Variants in MTMR2 observed in about 807,000 individuals in gnomAD.
MTMR2 encodes phosphatidylinositol-3,5-bisphosphate 3-phosphatase MTMR2.
In MTMR2, 55 loss-of-function variants were observed where a neutral mutation model predicts 86.9. The observed-to-expected ratio is 0.63, with a 90% CI of 0.51 to 0.79. The LOEUF is 0.79. Ranked by LOEUF, MTMR2 falls within the 30% of genes least tolerant of loss-of-function variation. MTMR2 has a pLI of 0.00. For missense variants in MTMR2, 659 were observed against 772.3 expected (o/e 0.85, Z 1.74); for synonymous variants, 241 against 266.8 (o/e 0.90, Z 0.94).
intron 2 of MTMR2, among the ~76,000 whole-genome samples, chr11:95,873,427 T>C (rs1393495518): frequency 1.3e-5 from 2 of 152,232 alleles, no homozygotes; most frequent in South Asian, 2.1e-4. Flanking sequence ...GATGGTAGTT[T>C]GTATTTCTGT....
In MTMR2 at chr11:95,888,021, T is replaced by A. The variant is rs1046944723; in HGVS notation, c.186+135A>T. 4.3e-6 allele frequency: 3 copies of A among 698,998 alleles called. No individual in the cohort carries two copies. In the Admixed American group the frequency reaches 7.7e-5, roughly 18 times the overall value. The allele number at this position is 698,998 out of a possible 1,614,324, so 43.3% of individuals were successfully genotyped here. A position where few individuals can be genotyped will look rare whatever the true frequency, so the allele number is the denominator to read the frequency against. On this transcript the variant is annotated intron_variant, in intron 2 of 14. Coordinates refer to ENST00000346299, the MANE Select transcript of MTMR2 (RefSeq NM_016156.6). ...AAGCATTCCAAATTTGCTGGCCTAT[T>A]CTGGGATATTTTGTAGACCGGGATC...
intron 2 of MTMR2, 73 bp from the exon 3 acceptor site, chr11:95,865,749 G>T: frequency 8.2e-7 from 1 of 1,224,550 alleles, no homozygotes; most frequent in Non-Finnish European, 1.2e-6. Context: ...TTTCAACTGA[G>T]TATACTTGCT....
rs560740183 is a variant in MTMR2 at position 95,916,196 on chromosome 11, G to A, written c.80+7679C>T. On this transcript the variant is annotated intron_variant, in intron 1 of 14. Transcript: ENST00000346299. ...TTAAATGATTCATCTGTACCCAAGG[G>A]GAAAAGCTGCTATGACTCCAATACC... 3.1e-4 allele frequency among the ~76,000 whole-genome samples: 47 copies of A among 152,102 alleles called. No individual in the cohort carries two copies. The South Asian group carries it at 9.3e-3, about 30-fold the overall frequency.
chr11:95,855,704 T>C (rs1028659749), intron 7 of MTMR2, among the ~76,000 whole-genome samples: 1 of 152,170 alleles, frequency 6.6e-6, no homozygotes, highest in African/African-American at 2.4e-5. Context: ...GTAATAAATA[T>C]AATAATCATC....
rs1261906657 is a variant in MTMR2, at chr11:95,833,458, C to A, written c.*1832G>T. 6.6e-6 allele frequency: 1 copy of A among 152,090 alleles called. No homozygotes were observed. The highest frequency in any genetic ancestry group is 6.6e-5 in the Admixed American group (1 of 15,240). 9.4% of individuals were successfully genotyped at this position (152,090 alleles called of 1,614,324 possible). Reference sequence around the variant, plus strand: ...TCCTCCTCCCTCCCTCCCACACACACCAGTGGTATATATTAAATGCCCAAG... The same window carrying A: ...TCCTCCTCCCTCCCTCCCACACACAACAGTGGTATATATTAAATGCCCAAG... On this transcript the variant is annotated 3_prime_UTR_variant, in exon 15 of 15. Transcript: ENST00000346299.
intron 2 of MTMR2, among the ~76,000 whole-genome samples, chr11:95,868,233 A>T (rs145652578): frequency 1.6e-3 from 204 of 130,742 alleles, no homozygotes; most frequent in African/African-American, 5.4e-3. Flanking sequence ...GATGCACTCC[A>T]CTGCACTCCA....
rs774188717 is a variant in MTMR2 at position 95,850,572 on chromosome 11, C to A, written c.804+28G>T. On this transcript the variant is annotated intron_variant, in intron 8 of 14. Transcript: ENST00000346299. ...ATTATGTTGAGTAAAAAAGCACTTG[C>A]AAAGGCTCATCCAAACTTCCTACTT... The A allele has an allele frequency of 5.5e-5, 88 of 1,591,558 alleles. 1 individual carries two copies. The East Asian group carries it at 1.9e-3, about 35-fold the overall frequency.
chr11:95,913,242 T>C (rs1404411681), intron 1 of MTMR2, among the ~76,000 whole-genome samples: 2 of 152,048 alleles, frequency 1.3e-5, no homozygotes, highest in African/African-American at 4.8e-5. Flanking sequence ...TATATGGCCC[T>C]GCAAAAAAAT....
At position 95,835,933 on chromosome 11, in the gene MTMR2, C is replaced by G. The variant is rs144665895; in HGVS notation, c.1770+215G>C. Among the ~76,000 whole-genome samples the G allele has an allele frequency of 1.6e-4, 24 of 152,120 alleles. No individual in the cohort carries two copies. In the East Asian group the frequency reaches 3.5e-3, roughly 22 times the overall value. ...GGAGGGAAGATGCAAGAAAAGAGAG[C>G]AGTGATTTGTCCAATGTCATACAAG... On this transcript the variant is annotated intron_variant, in intron 14 of 14. Transcript: ENST00000346299.
At chr11:95,840,314 C>G (rs1340824940) in intron 12 of MTMR2, among the ~76,000 whole-genome samples, 1 of 151,950 alleles carries the variant, frequency 6.6e-6, no homozygotes, top group East Asian at 1.9e-4. Context: ...TTATTTCTAC[C>G]AAGAGTCAAA....
intron 3 of MTMR2, among the ~76,000 whole-genome samples, chr11:95,863,710 A>G (rs473157): frequency 0.6 from 90,966 of 151,732 alleles, 29,346 homozygotes; most frequent in African/African-American, 0.85. Flanking sequence ...TGTCATTCTC[A>G]GGCCAGTGCT....
intron 1 of MTMR2, among the ~76,000 whole-genome samples, chr11:95,910,101 A>AATTTATATTT (rs1480574028): frequency 5.4e-5 from 8 of 147,422 alleles, no homozygotes; most frequent in Non-Finnish European, 1.1e-4. Context: ...AAATATAAAC[A>AATTTATATTT]CACACACACA....
intron 1 of MTMR2, among the ~76,000 whole-genome samples, chr11:95,905,330 C>CGCGCGT (rs1555073884): frequency 1.6e-5 from 1 of 61,508 alleles, no homozygotes; most frequent in African/African-American, 5.9e-5. Flanking sequence ...CACGCACCTG[C>CGCGCGT]GCACACACAC....
intron 5 of MTMR2, among the ~76,000 whole-genome samples, chr11:95,859,531 T>C (rs1263952046): frequency 6.6e-6 from 1 of 152,122 alleles, no homozygotes; most frequent in African/African-American, 2.4e-5. Context: ...GGGGAAAAAT[T>C]GGTATTGTAG....
intron 7 of MTMR2, among the ~76,000 whole-genome samples, chr11:95,851,592 C>T (rs944436200): frequency 6.6e-6 from 1 of 152,106 alleles, no homozygotes; most frequent in Admixed American, 6.6e-5. Flanking sequence ...GAACTCCTGA[C>T]CTCAGGTGAT....
At chr11:95,870,726 TTTTTCTTTTTC>T (rs1356050198) in intron 2 of MTMR2, among the ~76,000 whole-genome samples, 13 of 135,452 alleles carry the variant, frequency 9.6e-5, no homozygotes, top group African/African-American at 4.2e-4. Flanking sequence ...TAAGGTTCTT[TTTTTCTTTTTC>T]TTTTTTTTTT....
intron 7 of MTMR2, 53 bp from the exon 8 acceptor site, chr11:95,850,802 C>T (rs764731616): frequency 9.9e-5 from 152 of 1,539,064 alleles, no homozygotes; most frequent in Admixed American, 6.2e-4. Flanking sequence ...AAATATTAAA[C>T]GACACCAGGA....
At chr11:95,868,084 G>A (rs1042743880) in intron 2 of MTMR2, among the ~76,000 whole-genome samples, 1 of 151,496 alleles carries the variant, frequency 6.6e-6, no homozygotes, top group African/African-American at 2.4e-5. Context: ...TGGACAACAC[G>A]GCAAAACCCT....
intron 2 of MTMR2, among the ~76,000 whole-genome samples, chr11:95,879,290 A>G (rs1230777956): frequency 6.6e-6 from 1 of 151,880 alleles, no homozygotes; most frequent in East Asian, 1.9e-4. Context: ...CCCCACTTAT[A>G]AGAGAAGGAA....
Sources: gnomAD v4.1 joint callset for allele counts (sites outside exome capture counted in the v4.1 genomes callset) on GRCh38, gnomAD v4.1.1 for gene constraint, MANE v1.5 for transcripts, NCBI Gene and HGNC (gene_info 2026-07-23, HGNC 2026-07-21) for gene names.